NCKAP5: variants seen among roughly 807,000 people sequenced by gnomAD.
NCKAP5 encodes NCK associated protein 5.
In NCKAP5, 92 loss-of-function variants were observed where a neutral mutation model predicts 167.0. The ratio of observed to expected loss-of-function variants is 0.55; its 90% confidence interval spans 0.47 to 0.66. The LOEUF (loss-of-function observed/expected upper bound fraction) is 0.66, where lower values mean the gene tolerates loss of function less well. Among genes scored for constraint, NCKAP5 ranks in the 30% least tolerant of loss-of-function variants. The probability of loss-of-function intolerance (pLI) is 0.00; values close to 1 mark genes in which losing one functional copy is unlikely to be tolerated. For synonymous variants in NCKAP5, 891 were observed against 877.4 expected (o/e 1.02, Z -0.27); for missense variants, 2,378 against 2,315.0 (o/e 1.03, Z -0.56).
At chr2:133,647,811 G>C in the NCKAP5 span, among the ~76,000 whole-genome samples, 1 of 151,950 alleles carries the variant, frequency 6.6e-6, no homozygotes, top group Non-Finnish European at 1.5e-5. Flanking sequence ...AGAACGGGAG[G>C]AGACGGGAAG....
chr2:132,933,728 A>AAAAT (rs1696619488), intron 8 of NCKAP5, among the ~76,000 whole-genome samples: 1 of 152,232 alleles, frequency 6.6e-6, no homozygotes, highest in Admixed American at 6.5e-5. Context: ...TAAAGACAGA[A>AAAAT]AAATGGTATT....
chr2:132,690,193 A>G (rs1686538647), intron 19 of NCKAP5, among the ~76,000 whole-genome samples: 1 of 152,112 alleles, frequency 6.6e-6, no homozygotes, highest in Non-Finnish European at 1.5e-5. Flanking sequence ...GGTTTTCTCC[A>G]GGGACTTCAG....
In NCKAP5 at chr2:132,783,249, A is replaced by G; in HGVS notation, c.3562T>C (p.Ser1188Pro). 2 of 1,613,820 alleles carry G rather than the reference A, an allele frequency of 1.2e-6. No homozygotes were observed. The highest frequency in any genetic ancestry group is 1.1e-5 in the South Asian group (1 of 91,074). The part of the protein sequence containing the change: ...ASKSSVAVNK[S>P]KPEDSKNPAS... ...GGATTCTTGGAGTCCTCTGGCTTAG[A>G]CTTGTTCACAGCCACGGAACTTTTG... Residue 1188 changes from serine to proline, a missense_variant, in exon 14 of 20, where the codon TCT becomes CCT. Ser to Pro is a moderately conservative substitution (Grantham distance 74, BLOSUM62 -1). Around this residue, in one of 3 missense-constraint regions of NCKAP5, gnomAD observed 1,325 missense variants for 1,274.5 expected, o/e 1.04. Coordinates refer to ENST00000409261, the MANE Select transcript of NCKAP5 (RefSeq NM_207363.3).
chr2:132,834,772 T>A (rs1687770863), intron 11 of NCKAP5, among the ~76,000 whole-genome samples: 1 of 152,316 alleles, frequency 6.6e-6, no homozygotes, highest in Admixed American at 6.5e-5. Context: ...ACTATAGATG[T>A]GAACTACCAC....
At chr2:133,372,620 G>C (rs540353509) in intron 3 of NCKAP5, among the ~76,000 whole-genome samples, 2 of 152,180 alleles carry the variant, frequency 1.3e-5, no homozygotes, top group South Asian at 2.1e-4. Context: ...ACTATTTGAG[G>C]GTTCACTGAC....
At chr2:133,053,775 C>G (rs937547216) in intron 6 of NCKAP5, among the ~76,000 whole-genome samples, 6 of 152,202 alleles carry the variant, frequency 3.9e-5, no homozygotes, top group Non-Finnish European at 4.4e-5. Context: ...ACTAAGGAAA[C>G]ACTTCTTTGC....
chr2:133,498,683 C>T (rs1258470626), intron 3 of NCKAP5, among the ~76,000 whole-genome samples: 1 of 151,716 alleles, frequency 6.6e-6, no homozygotes. Context: ...AAGAGAGACG[C>T]GGAGGGAGAG....
At chr2:132,696,780 A>G (rs1045940286) in intron 19 of NCKAP5, among the ~76,000 whole-genome samples, 6 of 152,200 alleles carry the variant, frequency 3.9e-5, no homozygotes, top group Non-Finnish European at 8.8e-5. Flanking sequence ...TTAAATGACC[A>G]TGGTAACCAT....
At chr2:132,775,586 G>A (rs1300301706) in intron 15 of NCKAP5, among the ~76,000 whole-genome samples, 3 of 152,200 alleles carry the variant, frequency 2.0e-5, no homozygotes, top group Non-Finnish European at 2.9e-5. Flanking sequence ...TTAACTGACC[G>A]TGTTCTAGCA....
chr2:133,125,835 T>A (rs1263938287), intron 6 of NCKAP5, among the ~76,000 whole-genome samples: 2 of 152,158 alleles, frequency 1.3e-5, no homozygotes, highest in Non-Finnish European at 2.9e-5. Flanking sequence ...TTAGGTAACC[T>A]CTGGTGGCAT....
At chr2:133,409,242 G>A (rs183582558) in intron 3 of NCKAP5, among the ~76,000 whole-genome samples, 1 of 152,324 alleles carries the variant, frequency 6.6e-6, no homozygotes, top group African/African-American at 2.4e-5. Flanking sequence ...TGTTAATGCA[G>A]GCATAAAAAT....
At chr2:132,697,442 CAT>C (rs1433366247) in intron 19 of NCKAP5, among the ~76,000 whole-genome samples, 1 of 152,208 alleles carries the variant, frequency 6.6e-6, no homozygotes, top group East Asian at 1.9e-4. Context: ...AAGGGGATGT[CAT>C]ATTAGATTCT....
At chr2:133,081,388 G>T (rs888747082) in intron 6 of NCKAP5, among the ~76,000 whole-genome samples, 1 of 152,012 alleles carries the variant, frequency 6.6e-6, no homozygotes, top group African/African-American at 2.4e-5. Flanking sequence ...AGCACAAAAG[G>T]ACAGGCAAAC....
chr2:133,001,602 G>A (rs2874259), intron 6 of NCKAP5, among the ~76,000 whole-genome samples: 2,211 of 152,256 alleles, frequency 0.015, 46 homozygotes, highest in African/African-American at 0.05. Flanking sequence ...AGTAATAGTA[G>A]AGCTGGTATT....
chr2:133,647,472 G>GAAA, the NCKAP5 span, among the ~76,000 whole-genome samples: 5 of 119,558 alleles, frequency 4.2e-5, no homozygotes, highest in African/African-American at 1.7e-4. Flanking sequence ...AAAGGGCAAG[G>GAAA]GAAGGAAAGG....
At chr2:133,614,810 T>C in the NCKAP5 span, among the ~76,000 whole-genome samples, 1 of 151,360 alleles carries the variant, frequency 6.6e-6, no homozygotes, top group African/African-American at 2.4e-5. Context: ...GCCACAAAGA[T>C]ACTCCTCGAG....
At chr2:133,060,191 T>C (rs2079950206) in intron 6 of NCKAP5, among the ~76,000 whole-genome samples, 1 of 152,224 alleles carries the variant, frequency 6.6e-6, no homozygotes, top group African/African-American at 2.4e-5. Context: ...ACACATTTAA[T>C]AGCATATTTT....
chr2:132,998,736 T>C (rs991507781), intron 6 of NCKAP5, among the ~76,000 whole-genome samples: 11 of 152,192 alleles, frequency 7.2e-5, no homozygotes, highest in African/African-American at 2.7e-4. Flanking sequence ...GGCTAATGAA[T>C]GAAAGTTTGC....
chr2:133,406,093 T>C (rs1004691984), intron 3 of NCKAP5, among the ~76,000 whole-genome samples: 5 of 152,222 alleles, frequency 3.3e-5, no homozygotes, highest in African/African-American at 1.2e-4. Flanking sequence ...GGATTTTATT[T>C]AGTCACACAG....
Sources: allele counts gnomAD v4.1 joint callset (sites outside exome capture counted in the v4.1 genomes callset), GRCh38; gene constraint gnomAD v4.1.1; regional missense constraint gnomAD v4.1.1; transcripts MANE v1.5; gene names NCBI Gene and HGNC (gene_info 2026-07-23, HGNC 2026-07-21).